CPQ: variants seen among roughly 807,000 people sequenced by gnomAD.
The protein encoded by CPQ is Ser-Met dipeptidase.
Under a neutral mutation model 45.7 loss-of-function variants are expected in CPQ, and 37 were observed. The observed-to-expected ratio is 0.81, with a 90% CI of 0.62 to 1.07. The LOEUF is 1.07. CPQ is among the 50% of genes least tolerant of loss of function. The pLI is 0.00. For synonymous variants in CPQ, 186 were observed against 205.8 expected, an observed-to-expected ratio of 0.90 and a Z score of 0.82; for missense variants, 537 against 572.9, an observed-to-expected ratio of 0.94 and a Z score of 0.64.
chr8:96,873,739 TTA>T (rs956344200), intron 3 of CPQ, among the ~76,000 whole-genome samples: 1 of 151,824 alleles, frequency 6.6e-6, no homozygotes, highest in African/African-American at 2.4e-5. Context: ...TGAATAATTT[TTA>T]TCTTAGTCAA....
intron 3 of CPQ, 92 bp from the exon 4 acceptor site, chr8:96,879,706 G>T (rs1812193724): frequency 2.4e-6 from 2 of 827,072 alleles, no homozygotes; most frequent in Admixed American, 4.4e-5. Flanking sequence ...ACAAAGATAA[G>T]TGGAAGTTAA....
Position 96,766,113 on chromosome 8 carries a change from ACT to A in CPQ, c.-34-18744_-34-18743del, listed in dbSNP as rs758235322. ...ATGAGCAAATCACTCAAATTCTCTG[ACT>A]CTCTCTTTTGGAAGAAATAACATTT... On this transcript the variant is annotated intron_variant, in intron 1 of 7. Coordinates refer to ENST00000220763, the MANE Select transcript of CPQ (RefSeq NM_016134.4). Among the ~76,000 whole-genome samples the A allele has an allele frequency of 3.8e-4, 58 of 152,070 alleles. 2 individuals are homozygous for A. Among genetic ancestry groups the A allele is most frequent in the Admixed American group, 2.1e-3 (32 of 15,252 alleles).
At chr8:96,761,871 C>A (rs1187005893) in intron 1 of CPQ, among the ~76,000 whole-genome samples, 1 of 152,192 alleles carries the variant, frequency 6.6e-6, no homozygotes, top group Non-Finnish European at 1.5e-5. Flanking sequence ...ATTTGTGTGA[C>A]CTTCCTAACC....
intron 4 of CPQ, among the ~76,000 whole-genome samples, chr8:96,881,010 G>A (rs1486688466): frequency 2.0e-5 from 3 of 152,060 alleles, no homozygotes; most frequent in Admixed American, 6.6e-5. Flanking sequence ...ATTCAACCTC[G>A]GAACAATTGA....
intron 4 of CPQ, among the ~76,000 whole-genome samples, chr8:96,953,249 T>C (rs1244062420): frequency 1.3e-5 from 2 of 152,122 alleles, no homozygotes; most frequent in African/African-American, 4.8e-5. Flanking sequence ...ATGATCTATC[T>C]CACGGCCTCC....
intron 7 of CPQ, among the ~76,000 whole-genome samples, chr8:97,136,337 A>C (rs913708579): frequency 9.9e-5 from 15 of 152,206 alleles, no homozygotes; most frequent in African/African-American, 3.4e-4. Flanking sequence ...TTGGAATTTA[A>C]ATCTTCCAAG....
At chr8:96,802,701 A>G (rs2130823312) in intron 2 of CPQ, among the ~76,000 whole-genome samples, 2 of 152,326 alleles carry the variant, frequency 1.3e-5, no homozygotes, top group Admixed American at 1.3e-4. Context: ...TGGTAAATGC[A>G]TTGGATGTTC....
At chr8:96,822,773 T>C (rs1416198859) in intron 2 of CPQ, among the ~76,000 whole-genome samples, 1 of 151,990 alleles carries the variant, frequency 6.6e-6, no homozygotes, top group Non-Finnish European at 1.5e-5. Flanking sequence ...CTGCAATGAG[T>C]ATTCTTGTCT....
chr8:96,999,906 T>A (rs552382188), intron 5 of CPQ, among the ~76,000 whole-genome samples: 18 of 152,132 alleles, frequency 1.2e-4, no homozygotes, highest in African/African-American at 4.3e-4. Context: ...ATCTGTTATT[T>A]TTGACTTTTT....
At chr8:96,897,903 C>T (rs147700176) in intron 4 of CPQ, among the ~76,000 whole-genome samples, 8 of 152,098 alleles carry the variant, frequency 5.3e-5, no homozygotes, top group South Asian at 2.1e-4. Context: ...CATACCATGC[C>T]GAAGAAGAGG....
chr8:96,680,792 A>G (rs1239925814), intron 1 of CPQ, among the ~76,000 whole-genome samples: 1 of 152,166 alleles, frequency 6.6e-6, no homozygotes, highest in Non-Finnish European at 1.5e-5. Flanking sequence ...CTTGTTGAAT[A>G]GCCTTGACCA....
intron 1 of CPQ, among the ~76,000 whole-genome samples, chr8:96,658,695 A>T (rs1161732041): frequency 2.6e-5 from 4 of 152,238 alleles, no homozygotes; most frequent in Non-Finnish European, 4.4e-5. Flanking sequence ...AAGAAGTCAG[A>T]GAGTTAGGAA....
chr8:96,854,559 A>AAAAAG (rs71267283), intron 3 of CPQ, among the ~76,000 whole-genome samples: 1 of 134,744 alleles, frequency 7.4e-6, no homozygotes, highest in Non-Finnish European at 1.6e-5. Flanking sequence ...AAAAAAAAAA[A>AAAAAG]TGTGGTGGAA....
At chr8:96,728,310 G>C (rs1733694725) in intron 1 of CPQ, among the ~76,000 whole-genome samples, 2 of 152,098 alleles carry the variant, frequency 1.3e-5, no homozygotes. Context: ...CAAGAGGCCA[G>C]GATTTTATTA....
At chr8:97,022,571 C>T (rs1223258519) in intron 5 of CPQ, among the ~76,000 whole-genome samples, 1 of 151,988 alleles carries the variant, frequency 6.6e-6, no homozygotes, top group Non-Finnish European at 1.5e-5. Flanking sequence ...GGGCTAAAGA[C>T]ATGAATAGAC....
chr8:96,897,602 A>G (rs1029002755), intron 4 of CPQ, among the ~76,000 whole-genome samples: 1 of 152,224 alleles, frequency 6.6e-6, no homozygotes, highest in African/African-American at 2.4e-5. Flanking sequence ...AATTTGTATG[A>G]AATTATCTTC....
At chr8:96,792,435 A>C (rs1810860492) in intron 2 of CPQ, among the ~76,000 whole-genome samples, 1 of 152,210 alleles carries the variant, frequency 6.6e-6, no homozygotes, top group African/African-American at 2.4e-5. Context: ...CCAACACAGC[A>C]GGTCATTGAG....
At position 96,738,539 on chromosome 8, in the gene CPQ, C is replaced by T. The variant is rs957209729; in HGVS notation, c.-34-46325C>T. ...GTTAGTTACATATGTATACATGTGCCATGCTGGTGCACTGCACCCACAAAC... is the reference window on the plus strand; with the variant it reads ...GTTAGTTACATATGTATACATGTGCTATGCTGGTGCACTGCACCCACAAAC... On this transcript the variant is annotated intron_variant, in intron 1 of 7. Transcript: ENST00000220763. Among the ~76,000 whole-genome samples, 73 of 151,744 alleles carry T rather than the reference C, an allele frequency of 4.8e-4. 1 individual carries two copies. The highest frequency in any genetic ancestry group is 1.7e-3 in the African/African-American group (71 of 41,344).
chr8:96,946,310 A>G (rs1459412417), intron 4 of CPQ, among the ~76,000 whole-genome samples: 2 of 152,200 alleles, frequency 1.3e-5, no homozygotes, highest in Non-Finnish European at 1.5e-5. Flanking sequence ...AAATAATTCT[A>G]GAAAATAATT....
Sources: gnomAD v4.1 joint callset for allele counts (sites outside exome capture counted in the v4.1 genomes callset) on GRCh38, gnomAD v4.1.1 for gene constraint, MANE v1.5 for transcripts, NCBI Gene and HGNC (gene_info 2026-07-23, HGNC 2026-07-21) for gene names.